PRKG1: variants seen among roughly 807,000 people sequenced by gnomAD.
The protein encoded by PRKG1 is protein kinase cGMP-dependent 1.
Under a neutral mutation model 88.1 loss-of-function variants are expected in PRKG1, and 35 were observed. That is an observed-to-expected ratio of 0.40 (90% CI 0.30 to 0.53). PRKG1 has a LOEUF of 0.53. PRKG1 is among the 20% of genes least tolerant of loss of function. PRKG1 has a pLI of 0.59. For synonymous variants in PRKG1, 303 were observed against 292.5 expected (o/e 1.04, Z -0.37); for missense variants, 540 against 839.8 (o/e 0.64, Z 4.41).
intron 2 of PRKG1, among the ~76,000 whole-genome samples, chr10:51,279,630 A>G (rs1388209994): frequency 6.6e-6 from 1 of 152,168 alleles, no homozygotes; most frequent in Non-Finnish European, 1.5e-5. Context: ...ACCATTATGT[A>G]ATGGCCTTCT....
chr10:51,613,085 G>A (rs1023987877), intron 3 of PRKG1, among the ~76,000 whole-genome samples: 1 of 151,380 alleles, frequency 6.6e-6, no homozygotes, highest in African/African-American at 2.4e-5. Flanking sequence ...TTTATTTTAA[G>A]GAGGATTGAT....
At chr10:52,167,426 G>T (rs978034804) in intron 9 of PRKG1, among the ~76,000 whole-genome samples, 2 of 152,082 alleles carry the variant, frequency 1.3e-5, no homozygotes, top group African/African-American at 4.8e-5. Context: ...ATGAGATTTA[G>T]ACAGGACAAA....
intron 10 of PRKG1, among the ~76,000 whole-genome samples, chr10:52,254,622 C>T (rs1013618868): frequency 1.3e-5 from 2 of 151,962 alleles, no homozygotes; most frequent in African/African-American, 2.4e-5. Context: ...TTTCTCATCA[C>T]TGTTTGACAT....
At chr10:51,596,442 A>T (rs551815685) in intron 3 of PRKG1, among the ~76,000 whole-genome samples, 1 of 152,322 alleles carries the variant, frequency 6.6e-6, no homozygotes, top group East Asian at 1.9e-4. Flanking sequence ...AATGGAAGAA[A>T]ATTCCAGAGT....
intron 1 of PRKG1, among the ~76,000 whole-genome samples, chr10:51,133,205 C>T (rs1845613165): frequency 6.6e-6 from 1 of 152,166 alleles, no homozygotes; most frequent in East Asian, 1.9e-4. Context: ...GCAAAACCAA[C>T]ATCCTATACT....
At chr10:51,407,986 CT>C (rs74613396) in intron 2 of PRKG1, among the ~76,000 whole-genome samples, 24,519 of 152,116 alleles carry the variant, frequency 0.16, 2,108 homozygotes, top group Admixed American at 0.25. Context: ...CTGGTGGCAG[CT>C]TTCTTCCCTC....
At chr10:51,280,810 A>G (rs961601825) in intron 2 of PRKG1, among the ~76,000 whole-genome samples, 1 of 152,116 alleles carries the variant, frequency 6.6e-6, no homozygotes, top group African/African-American at 2.4e-5. Flanking sequence ...ATGGGTTCGA[A>G]CTTCCTCCTT....
At chr10:51,191,610 G>T (rs1434210873) in intron 2 of PRKG1, among the ~76,000 whole-genome samples, 1 of 151,762 alleles carries the variant, frequency 6.6e-6, no homozygotes, top group Non-Finnish European at 1.5e-5. Context: ...CAGATACTGT[G>T]CTAAATGCTT....
At chr10:51,566,839 C>T (rs924994763) in intron 3 of PRKG1, among the ~76,000 whole-genome samples, 1 of 151,558 alleles carries the variant, frequency 6.6e-6, no homozygotes, top group African/African-American at 2.4e-5. Context: ...TAAGTTCCCA[C>T]TTCAATATGA....
At chr10:51,075,975 C>G (rs1034061049) in intron 1 of PRKG1, among the ~76,000 whole-genome samples, 1 of 152,168 alleles carries the variant, frequency 6.6e-6, no homozygotes. Flanking sequence ...CTACTACTAA[C>G]GAAATCACAT....
chr10:51,310,012 C>T (rs140176433), intron 2 of PRKG1, among the ~76,000 whole-genome samples: 30 of 152,144 alleles, frequency 2.0e-4, no homozygotes, highest in African/African-American at 5.3e-4. Context: ...AAATACTGTG[C>T]GTTCTCACTT....
At chr10:52,059,461 CAT>C (rs1846185279) in intron 6 of PRKG1, among the ~76,000 whole-genome samples, 1 of 151,470 alleles carries the variant, frequency 6.6e-6, no homozygotes, top group African/African-American at 2.4e-5. Flanking sequence ...CAATAAAAAA[CAT>C]AAACTATTGA....
At chr10:51,997,156 A>G (rs972606255) in intron 5 of PRKG1, among the ~76,000 whole-genome samples, 8 of 152,022 alleles carry the variant, frequency 5.3e-5, no homozygotes, top group African/African-American at 1.9e-4. Context: ...ATGTTGGTCA[A>G]TGGATCCAAA....
chr10:51,815,685 GT>G lies in PRKG1; in HGVS notation c.698+10998del, dbSNP rs547774315. On this transcript the variant is annotated intron_variant, in intron 4 of 17. Coordinates refer to ENST00000373980, the MANE Select transcript of PRKG1 (RefSeq NM_006258.4). ...TAGCATCATAGGTCCTTTTTTGTTT[GT>G]TTGTTTTTGGTTTTGGCTTGGAATA... 8.3e-4 allele frequency among the ~76,000 whole-genome samples: 126 copies of G among 152,154 alleles called. 5 individuals carry two copies. The South Asian group carries it at 0.025, about 30-fold the overall frequency.
At chr10:52,121,798 G>A (rs532437237) in intron 7 of PRKG1, among the ~76,000 whole-genome samples, 1 of 152,112 alleles carries the variant, frequency 6.6e-6, no homozygotes. Context: ...AGAAGATTTA[G>A]TTTCTCCCTA....
intron 5 of PRKG1, among the ~76,000 whole-genome samples, chr10:51,944,009 G>A (rs887283711): frequency 2.0e-4 from 31 of 152,024 alleles, no homozygotes; most frequent in Admixed American, 1.7e-3. Flanking sequence ...CTGTTGATTG[G>A]AATAATTTCA....
At chr10:51,411,157 G>A (rs1029726458) in intron 2 of PRKG1, among the ~76,000 whole-genome samples, 8 of 152,014 alleles carry the variant, frequency 5.3e-5, no homozygotes, top group South Asian at 2.1e-4. Context: ...GCACCACCAC[G>A]CTTGGCTAAT....
chr10:51,336,315 C>T (rs1184255253), intron 2 of PRKG1, among the ~76,000 whole-genome samples: 1 of 151,754 alleles, frequency 6.6e-6, no homozygotes, highest in African/African-American at 2.4e-5. Flanking sequence ...ATCATGCCTC[C>T]GCACTCCAGC....
chr10:51,757,953 A>G (rs1837912856), intron 3 of PRKG1, among the ~76,000 whole-genome samples: 1 of 152,152 alleles, frequency 6.6e-6, no homozygotes, highest in Non-Finnish European at 1.5e-5. Flanking sequence ...CTAGGAGATA[A>G]CCGAGAAACT....
Sources: allele counts gnomAD v4.1 joint callset (sites outside exome capture counted in the v4.1 genomes callset), GRCh38; gene constraint gnomAD v4.1.1; transcripts MANE v1.5; gene names NCBI Gene and HGNC (gene_info 2026-07-23, HGNC 2026-07-21).